ARHGEF3: variants seen among roughly 807,000 people sequenced by gnomAD.
ARHGEF3 encodes 59.8 kDA protein.
In ARHGEF3, 28 loss-of-function variants were observed where a neutral mutation model predicts 63.2. The observed-to-expected ratio is 0.44, with a 90% confidence interval of 0.33 to 0.61. The LOEUF (loss-of-function observed/expected upper bound fraction) is 0.61. Among genes scored for constraint, ARHGEF3 ranks in the 20% least tolerant of loss-of-function variants. The pLI is 0.03. For synonymous variants in ARHGEF3, 266 were observed against 254.2 expected, an observed-to-expected ratio of 1.05 and a Z score of -0.44; for missense variants, 533 against 659.3, an observed-to-expected ratio of 0.81 and a Z score of 2.10.
chr3:57,074,051 G>T, intron 1 of ARHGEF3: 1 of 1,614,202 alleles, frequency 6.2e-7, no homozygotes, highest in Non-Finnish European at 8.5e-7. Flanking sequence ...GCAGTTGTGA[G>T]CAAGTTATTC....
chr3:57,061,121 C>T (rs1202013839), intron 1 of ARHGEF3, among the ~76,000 whole-genome samples: 2 of 152,080 alleles, frequency 1.3e-5, no homozygotes, highest in African/African-American at 4.8e-5. Context: ...ACCCATTCAG[C>T]GGTAACTCCT....
chr3:56,738,379 C>T (rs1023713997), intron 7 of ARHGEF3, among the ~76,000 whole-genome samples: 1 of 151,774 alleles, frequency 6.6e-6, no homozygotes, highest in Non-Finnish European at 1.5e-5. Flanking sequence ...ACCATGTTGC[C>T]CAGGCTGGTC....
intron 3 of ARHGEF3, among the ~76,000 whole-genome samples, chr3:56,888,864 T>A (rs1341447119): frequency 6.6e-6 from 1 of 151,858 alleles, no homozygotes; most frequent in Non-Finnish European, 1.5e-5. Flanking sequence ...GATCGCACCA[T>A]TGCACTCCAG....
At chr3:57,002,235 T>C (rs1702226383) in intron 2 of ARHGEF3, among the ~76,000 whole-genome samples, 1 of 151,182 alleles carries the variant, frequency 6.6e-6, no homozygotes, top group Non-Finnish European at 1.5e-5. Context: ...AAAAAAACTT[T>C]TACTATAAGG....
chr3:56,896,921 C>G (rs928994063), intron 3 of ARHGEF3, among the ~76,000 whole-genome samples: 1 of 152,188 alleles, frequency 6.6e-6, no homozygotes, highest in African/African-American at 2.4e-5. Flanking sequence ...GTGGCATCTT[C>G]TAAATTTCTC....
chr3:56,735,005 C>CA (rs2033502466), intron 8 of ARHGEF3, among the ~76,000 whole-genome samples: 1 of 152,124 alleles, frequency 6.6e-6, no homozygotes, highest in Non-Finnish European at 1.5e-5. Context: ...ACAACTCAGC[C>CA]AGGCACGGTG....
At chr3:57,019,658 C>T (rs1703164404) in intron 2 of ARHGEF3, among the ~76,000 whole-genome samples, 1 of 152,144 alleles carries the variant, frequency 6.6e-6, no homozygotes, top group Non-Finnish European at 1.5e-5. Flanking sequence ...CAAATTAAAA[C>T]TTTGCTACTA....
chr3:56,919,009 CAG>C (rs1264245266), intron 3 of ARHGEF3, among the ~76,000 whole-genome samples: 3 of 152,096 alleles, frequency 2.0e-5, no homozygotes, highest in African/African-American at 7.2e-5. Context: ...CAGACGTAGA[CAG>C]AGGTTCATAA....
At chr3:57,010,513 T>C (rs1702654029) in intron 2 of ARHGEF3, among the ~76,000 whole-genome samples, 1 of 151,518 alleles carries the variant, frequency 6.6e-6, no homozygotes, top group South Asian at 2.1e-4. Context: ...CTCCTCTATA[T>C]GTGACAACTA....
chr3:56,911,710 A>T (rs2041856990), intron 3 of ARHGEF3, among the ~76,000 whole-genome samples: 1 of 152,036 alleles, frequency 6.6e-6, no homozygotes. Context: ...CCTTGCATCG[A>T]ATATGCTGCT....
chr3:56,729,080 A>T lies in ARHGEF3; in HGVS notation c.*190T>A. On this transcript the variant is annotated 3_prime_UTR_variant, in exon 10 of 10. Transcript: ENST00000296315. Reference sequence around the variant, plus strand: ...TACAACACAGGGTAATAGTTGCCACAGATTCCAGCTTACACAGACAGATTG... The same window carrying T: ...TACAACACAGGGTAATAGTTGCCACTGATTCCAGCTTACACAGACAGATTG... 1 of 577,298 alleles carries T rather than the reference A, an allele frequency of 1.7e-6. No homozygotes were observed. The allele number at this position is 577,298 out of a possible 1,614,324, so 35.8% of individuals were successfully genotyped here.
chr3:56,908,029 G>A (rs2041748273), intron 3 of ARHGEF3, among the ~76,000 whole-genome samples: 1 of 152,158 alleles, frequency 6.6e-6, no homozygotes, highest in African/African-American at 2.4e-5. Flanking sequence ...AACAAAAGAA[G>A]TACAGTTATC....
intron 3 of ARHGEF3, among the ~76,000 whole-genome samples, chr3:56,935,557 C>T (rs1410913281): frequency 1.3e-5 from 2 of 152,126 alleles, no homozygotes; most frequent in Non-Finnish European, 2.9e-5. Context: ...CAGCTTCACT[C>T]CTGAGCCCAG....
intron 2 of ARHGEF3, among the ~76,000 whole-genome samples, chr3:57,026,102 C>T (rs1419805959): frequency 1.3e-5 from 2 of 152,094 alleles, no homozygotes; most frequent in African/African-American, 4.8e-5. Context: ...CCATAAGATA[C>T]CTTAACAATG....
intron 3 of ARHGEF3, among the ~76,000 whole-genome samples, chr3:56,915,342 T>G (rs2041959483): frequency 6.6e-6 from 1 of 152,060 alleles, no homozygotes; most frequent in Non-Finnish European, 1.5e-5. Flanking sequence ...GGTGTATGCC[T>G]GTAGTCCCAG....
intron 2 of ARHGEF3, among the ~76,000 whole-genome samples, chr3:57,032,193 C>T (rs1703761158): frequency 6.6e-6 from 1 of 152,140 alleles, no homozygotes; most frequent in Admixed American, 6.6e-5. Context: ...TTGTAAAACC[C>T]CTTTGCAGAG....
At chr3:56,801,992 TGA>T, upstream of ARHGEF3, 1 of 1,432,858 alleles carries the variant, frequency 7.0e-7, no homozygotes, top group Non-Finnish European at 9.2e-7. Flanking sequence ...AGCCACGCCT[TGA>T]TGGGTGGGGA....
At position 57,023,724 on chromosome 3, in the gene ARHGEF3, G is replaced by T. The variant is rs1457758502; in HGVS notation, c.62+11364C>A. Reference sequence around the variant, plus strand: ...TTGGCACACACTGCCCCTTCCACATGGTTTGCTCTTTACCTGGCTATCCCT... The same window carrying T: ...TTGGCACACACTGCCCCTTCCACATTGTTTGCTCTTTACCTGGCTATCCCT... On this transcript the variant is annotated intron_variant, in intron 2 of 12. Coordinates refer to the ARHGEF3 transcript ENST00000338458. Among the ~76,000 whole-genome samples, 10 of 152,226 alleles carry T rather than the reference G, an allele frequency of 6.6e-5. No individual in the cohort carries two copies. In the East Asian group the frequency reaches 1.9e-3, roughly 29 times the overall value.
At chr3:56,863,143 CT>C (rs66950659) in intron 4 of ARHGEF3, among the ~76,000 whole-genome samples, 1,475 of 145,184 alleles carry the variant, frequency 0.01, 6 homozygotes, top group Non-Finnish European at 0.015. Flanking sequence ...TTACCTTTTT[CT>C]TTTTTTTTTT....
Sources: gnomAD v4.1 joint callset for allele counts (sites outside exome capture counted in the v4.1 genomes callset) on GRCh38, gnomAD v4.1.1 for gene constraint, MANE v1.5 for transcripts, NCBI Gene and HGNC (gene_info 2026-07-23, HGNC 2026-07-21) for gene names.